Variants in GRIK2 observed in about 807,000 individuals in gnomAD.
GRIK2 encodes the protein glutamate receptor ionotropic, kainate 2.
GRIK2 carries 32 observed loss-of-function variants against 100.3 expected under a neutral mutation model. The observed-to-expected ratio is 0.32, with a 90% CI of 0.24 to 0.43. The LOEUF (loss-of-function observed/expected upper bound fraction) is 0.43, where lower values mean the gene tolerates loss of function less well. Among genes scored for constraint, GRIK2 ranks in the 20% least tolerant of loss-of-function variants. GRIK2 has a pLI of 1.00. For synonymous variants in GRIK2, 417 were observed against 389.4 expected (o/e 1.07, Z -0.83); for missense variants, 843 against 1,114.9 (o/e 0.76, Z 3.47).
intron 14 of GRIK2, among the ~76,000 whole-genome samples, chr6:101,980,211 A>G (rs1376567959): frequency 2.0e-5 from 3 of 151,986 alleles, no homozygotes; most frequent in Non-Finnish European, 4.4e-5. Context: ...GGCTGTTCAA[A>G]GAGCAAATAT....
intron 11 of GRIK2, among the ~76,000 whole-genome samples, chr6:101,889,125 A>G (rs1342485614): frequency 1.3e-5 from 2 of 152,150 alleles, no homozygotes; most frequent in African/African-American, 4.8e-5. Context: ...GATGTTTCAA[A>G]CAATATTTTA....
Position 101,471,362 on chromosome 6 carries a change from C to T in GRIK2, c.115+71970C>T, listed in dbSNP as rs566350465. 3.0e-4 allele frequency among the ~76,000 whole-genome samples: 46 copies of T among 152,118 alleles called. No homozygotes were observed. The South Asian group carries it at 7.0e-3, about 23-fold the overall frequency. ...TAGTGTGTTTGATCAATGTTCGTCACGTGCCACCTAATTTCACTATGGCCC... is the reference window on the plus strand; with the variant it reads ...TAGTGTGTTTGATCAATGTTCGTCATGTGCCACCTAATTTCACTATGGCCC... On this transcript the variant is annotated intron_variant, in intron 2 of 16. Transcript: ENST00000369134.
intron 14 of GRIK2, among the ~76,000 whole-genome samples, chr6:101,986,403 A>AT (rs1340466808): frequency 6.6e-6 from 1 of 151,824 alleles, no homozygotes; most frequent in African/African-American, 2.4e-5. Flanking sequence ...TGGTAGTGTG[A>AT]TTTTACTAGT....
At chr6:101,809,389 CT>C (rs2128417796) in intron 9 of GRIK2, among the ~76,000 whole-genome samples, 1 of 152,086 alleles carries the variant, frequency 6.6e-6, no homozygotes, top group Non-Finnish European at 1.5e-5. Context: ...ATTGACCTTT[CT>C]TTTACTTGTT....
At chr6:101,705,285 CCTT>C (rs918609919) in intron 7 of GRIK2, among the ~76,000 whole-genome samples, 29 of 150,724 alleles carry the variant, frequency 1.9e-4, no homozygotes, top group South Asian at 4.2e-4. Context: ...GCTTTGTTAT[CCTT>C]CTTCTTCTTC....
At chr6:101,860,075 C>G (rs1784649318) in intron 11 of GRIK2, among the ~76,000 whole-genome samples, 2 of 151,930 alleles carry the variant, frequency 1.3e-5, no homozygotes, top group Admixed American at 1.3e-4. Flanking sequence ...ATCCCTCTTT[C>G]TTAAGAGGAC....
At chr6:101,503,768 A>G (rs1364838886) in intron 2 of GRIK2, among the ~76,000 whole-genome samples, 1 of 152,218 alleles carries the variant, frequency 6.6e-6, no homozygotes, top group African/African-American at 2.4e-5. Flanking sequence ...CTGTTTCTTA[A>G]TTAGTAATAA....
chr6:101,753,813 A>C (rs1270171909), intron 7 of GRIK2, among the ~76,000 whole-genome samples: 1 of 152,062 alleles, frequency 6.6e-6, no homozygotes, highest in Non-Finnish European at 1.5e-5. Flanking sequence ...GTAGCATAGA[A>C]TATATTAAAA....
intron 14 of GRIK2, among the ~76,000 whole-genome samples, chr6:101,929,909 T>C (rs984892982): frequency 2.6e-5 from 4 of 152,176 alleles, no homozygotes; most frequent in African/African-American, 9.6e-5. Context: ...TAATCAAATA[T>C]AAGCAAAACA....
chr6:101,637,412 G>A (rs1030804157), intron 4 of GRIK2, among the ~76,000 whole-genome samples: 9 of 152,156 alleles, frequency 5.9e-5, no homozygotes, highest in Non-Finnish European at 1.2e-4. Flanking sequence ...TTATTGGGTT[G>A]CCCACATCAG....
intron 2 of GRIK2, among the ~76,000 whole-genome samples, chr6:101,433,372 G>T (rs994008473): frequency 6.6e-6 from 1 of 151,986 alleles, no homozygotes; most frequent in African/African-American, 2.4e-5. Flanking sequence ...TTATACCTGC[G>T]TGACGTGCAG....
intron 11 of GRIK2, among the ~76,000 whole-genome samples, chr6:101,876,119 A>G (rs1358697191): frequency 6.6e-6 from 1 of 151,816 alleles, no homozygotes; most frequent in Non-Finnish European, 1.5e-5. Context: ...TAGGAAGTCA[A>G]AATTTAAGAA....
chr6:101,693,581 G>A (rs1391846760), intron 7 of GRIK2, among the ~76,000 whole-genome samples: 1 of 152,038 alleles, frequency 6.6e-6, no homozygotes. Flanking sequence ...AATAGCTCAA[G>A]GGGTGGTTAG....
At position 101,751,791 on chromosome 6, in the gene GRIK2, G is replaced by A. The variant is rs147485100; in HGVS notation, c.952-47857G>A. Among the ~76,000 whole-genome samples the A allele has an allele frequency of 8.5e-5, 13 of 152,242 alleles. No individual in the cohort carries two copies. In the East Asian group the frequency reaches 2.1e-3, roughly 25 times the overall value. Reference sequence around the variant, plus strand: ...TTCTAGAGGCTTAATCACACTTAACGTTGGATATGTTTGTTTGTTCTCGTG... The same window carrying A: ...TTCTAGAGGCTTAATCACACTTAACATTGGATATGTTTGTTTGTTCTCGTG... On this transcript the variant is annotated intron_variant, in intron 7 of 16. Transcript: ENST00000369134.
intron 4 of GRIK2, among the ~76,000 whole-genome samples, chr6:101,665,742 C>A (rs1769984759): frequency 1.3e-5 from 2 of 152,104 alleles, no homozygotes; most frequent in Non-Finnish European, 2.9e-5. Flanking sequence ...AAGAGTTGGT[C>A]ATTTTCTAGG....
At position 101,987,016 on chromosome 6, in the gene GRIK2, A is replaced by C. The variant is rs1311367250; in HGVS notation, c.2086-48325A>C. Among the ~76,000 whole-genome samples, 3 of 151,704 alleles carry C rather than the reference A, an allele frequency of 2.0e-5. No homozygotes were observed. The East Asian group carries it at 5.8e-4, about 30-fold the overall frequency. On this transcript the variant is annotated intron_variant, in intron 14 of 16. Coordinates refer to ENST00000369134, the MANE Select transcript of GRIK2 (RefSeq NM_021956.5). Reference sequence around the variant, plus strand: ...AAATTAGCTGAGTCTGGTGGCACGCAACTGTAGACTTAGCTACTTAGGAGG... The same window carrying C: ...AAATTAGCTGAGTCTGGTGGCACGCCACTGTAGACTTAGCTACTTAGGAGG...
At chr6:101,756,112 C>A (rs543670496) in intron 7 of GRIK2, among the ~76,000 whole-genome samples, 17 of 152,188 alleles carry the variant, frequency 1.1e-4, no homozygotes, top group South Asian at 8.3e-4. Context: ...TGATGCCATT[C>A]CTTGTTAGTG....
intron 2 of GRIK2, among the ~76,000 whole-genome samples, chr6:101,520,636 T>G (rs892078793): frequency 6.6e-6 from 1 of 152,086 alleles, no homozygotes; most frequent in Non-Finnish European, 1.5e-5. Context: ...GTATCCAGTT[T>G]CATTTGGCAT....
intron 10 of GRIK2, among the ~76,000 whole-genome samples, chr6:101,826,373 T>C (rs927619401): frequency 2.2e-4 from 34 of 152,016 alleles, no homozygotes; most frequent in African/African-American, 8.2e-4. Flanking sequence ...TTGAGGAATG[T>C]GGATGAAGAC....
Sources: gnomAD v4.1 joint callset for allele counts (sites outside exome capture counted in the v4.1 genomes callset) on GRCh38, gnomAD v4.1.1 for gene constraint, MANE v1.5 for transcripts, NCBI Gene and HGNC (gene_info 2026-07-23, HGNC 2026-07-21) for gene names.